The following KCNIP1 variants were observed in gnomAD, a reference collection of about 807,000 sequenced individuals.
The protein encoded by KCNIP1 is potassium voltage-gated channel interacting protein 1.
In KCNIP1, 18 loss-of-function variants were observed where a neutral mutation model predicts 33.0. That is an observed-to-expected ratio of 0.55 (90% CI 0.38 to 0.81). The LOEUF (loss-of-function observed/expected upper bound fraction) is 0.81. KCNIP1 is among the 30% of genes least tolerant of loss of function. The probability of loss-of-function intolerance (pLI) is 0.00; values close to 1 mark genes in which losing one functional copy is unlikely to be tolerated. For missense variants in KCNIP1, 238 were observed against 271.6 expected (o/e 0.88, Z 0.87); for synonymous variants, 93 against 98.3 (o/e 0.95, Z 0.32).
intron 1 of KCNIP1, among the ~76,000 whole-genome samples, chr5:170,433,880 G>A (rs1020924914): frequency 6.6e-6 from 1 of 152,038 alleles, no homozygotes; most frequent in African/African-American, 2.4e-5. Flanking sequence ...GGGGCAGTGG[G>A]GGACCCTCTT....
intron 1 of KCNIP1, chr5:170,383,356 G>A (rs921914856): frequency 3.4e-5 from 20 of 585,110 alleles, no homozygotes; most frequent in African/African-American, 1.9e-4. Flanking sequence ...AGCATCAAGC[G>A]TGGCACTTTA....
chr5:170,603,773 T>C (rs1421873741), intron 1 of KCNIP1, among the ~76,000 whole-genome samples: 1 of 152,168 alleles, frequency 6.6e-6, no homozygotes, highest in Non-Finnish European at 1.5e-5. Context: ...CAGCTGAGGC[T>C]GAGGACACAT....
chr5:170,411,645 C>A (rs1190610770), intron 1 of KCNIP1, among the ~76,000 whole-genome samples: 1 of 152,068 alleles, frequency 6.6e-6, no homozygotes, highest in African/African-American at 2.4e-5. Flanking sequence ...ATTATATCCC[C>A]CCAACAAATC....
chr5:170,550,618 A>C (rs764799816), intron 1 of KCNIP1, among the ~76,000 whole-genome samples: 1 of 151,980 alleles, frequency 6.6e-6, no homozygotes, highest in African/African-American at 2.4e-5. Context: ...GATGACAATG[A>C]TGGTGATGAT....
At chr5:170,508,423 T>A (rs999520166) in intron 1 of KCNIP1, among the ~76,000 whole-genome samples, 1 of 152,054 alleles carries the variant, frequency 6.6e-6, no homozygotes, top group Non-Finnish European at 1.5e-5. Flanking sequence ...GGAAGCAGAG[T>A]GTACCTGATG....
chr5:170,515,163 G>A (rs548371793), intron 1 of KCNIP1, among the ~76,000 whole-genome samples: 1 of 152,150 alleles, frequency 6.6e-6, no homozygotes, highest in Non-Finnish European at 1.5e-5. Flanking sequence ...CCAAATGCAG[G>A]CCTCACTCAT....
At chr5:170,616,077 G>A (rs1326844056) in intron 1 of KCNIP1, among the ~76,000 whole-genome samples, 1 of 152,144 alleles carries the variant, frequency 6.6e-6, no homozygotes, top group Non-Finnish European at 1.5e-5. Context: ...GGAGTAGTGG[G>A]AATCTGCACA....
intron 1 of KCNIP1, among the ~76,000 whole-genome samples, chr5:170,543,710 T>G (rs1447435938): frequency 1.3e-5 from 2 of 152,244 alleles, no homozygotes; most frequent in Non-Finnish European, 2.9e-5. Flanking sequence ...CCTGACAACT[T>G]TGTCACTTTT....
intron 1 of KCNIP1, among the ~76,000 whole-genome samples, chr5:170,620,137 A>G (rs1759546488): frequency 6.6e-6 from 1 of 152,228 alleles, no homozygotes; most frequent in Non-Finnish European, 1.5e-5. Context: ...TTTAGTTCAT[A>G]GCAGGTGCTC....
chr5:170,407,445 A>AT (rs1280227758), intron 1 of KCNIP1, among the ~76,000 whole-genome samples: 14 of 152,324 alleles, frequency 9.2e-5, no homozygotes, highest in African/African-American at 3.4e-4. Context: ...TAACAAAAAA[A>AT]TTTTTTTAAA....
chr5:170,620,162 C>T (rs1173836817), intron 1 of KCNIP1, among the ~76,000 whole-genome samples: 1 of 152,288 alleles, frequency 6.6e-6, no homozygotes, highest in East Asian at 1.9e-4. Context: ...AATATCAGTT[C>T]CACTTCCCTT....
At chr5:170,614,698 C>T (rs1461272541) in intron 1 of KCNIP1, among the ~76,000 whole-genome samples, 1 of 152,224 alleles carries the variant, frequency 6.6e-6, no homozygotes, top group African/African-American at 2.4e-5. Flanking sequence ...AGAGAAGCAA[C>T]TCACCAGGAA....
At chr5:170,502,716 C>T (rs188047449), upstream of KCNIP1, among the ~76,000 whole-genome samples, 263 of 152,234 alleles carry the variant, frequency 1.7e-3, 3 homozygotes, top group African/African-American at 6.3e-3. Flanking sequence ...CTGTGAACTG[C>T]TAGCATGGTG....
intron 1 of KCNIP1, among the ~76,000 whole-genome samples, chr5:170,392,626 C>T (rs1754633403): frequency 6.6e-6 from 1 of 152,182 alleles, no homozygotes; most frequent in Admixed American, 6.5e-5. Context: ...AGTTCGAGAC[C>T]AGCCTGGCCA....
At chr5:170,692,627 C>T (rs1238608648) in intron 1 of KCNIP1, among the ~76,000 whole-genome samples, 2 of 152,178 alleles carry the variant, frequency 1.3e-5, no homozygotes, top group African/African-American at 4.8e-5. Flanking sequence ...TAATGACAAA[C>T]TGGGGATACT....
chr5:170,657,360 G>A (rs1173045975), intron 1 of KCNIP1, among the ~76,000 whole-genome samples: 4 of 152,130 alleles, frequency 2.6e-5, no homozygotes. Context: ...CCTGGGAAAT[G>A]AGGGTGAGGA....
chr5:170,585,111 G>A (rs570265958), intron 1 of KCNIP1, among the ~76,000 whole-genome samples: 46 of 152,098 alleles, frequency 3.0e-4, no homozygotes, highest in African/African-American at 1.1e-3. Context: ...CAGCTAAGAA[G>A]TCGCAAAGCC....
chr5:170,429,628 C>A (rs1755697208), intron 1 of KCNIP1, among the ~76,000 whole-genome samples: 1 of 152,140 alleles, frequency 6.6e-6, no homozygotes, highest in Non-Finnish European at 1.5e-5. Context: ...ACACCCTCAC[C>A]CTTCCAAGCC....
chr5:170,582,472 T>C (rs1757831741), intron 1 of KCNIP1, among the ~76,000 whole-genome samples: 1 of 152,244 alleles, frequency 6.6e-6, no homozygotes, highest in Non-Finnish European at 1.5e-5. Flanking sequence ...ATTGGCTTTA[T>C]AATATTGCAT....
Sources: allele counts gnomAD v4.1 joint callset (sites outside exome capture counted in the v4.1 genomes callset), GRCh38; gene constraint gnomAD v4.1.1; transcripts MANE v1.5; gene names NCBI Gene and HGNC (gene_info 2026-07-23, HGNC 2026-07-21).